Variants in KCND2 observed in about 807,000 individuals in gnomAD.
KCND2 encodes the protein A-type voltage-gated potassium channel KCND2.
KCND2 carries 16 observed loss-of-function variants against 54.4 expected under a neutral mutation model. The ratio of observed to expected loss-of-function variants is 0.29; its 90% CI spans 0.20 to 0.45. KCND2 has a LOEUF of 0.45. Ranked by LOEUF, KCND2 falls within the 20% of genes least tolerant of loss-of-function variation. The pLI is 1.00. For missense variants in KCND2, 486 were observed against 824.2 expected, an observed-to-expected ratio of 0.59 and a Z score of 5.02; for synonymous variants, 317 against 310.7, an observed-to-expected ratio of 1.02 and a Z score of -0.21.
chr7:120,672,574 C>A (rs917759083), intron 1 of KCND2, among the ~76,000 whole-genome samples: 2 of 152,042 alleles, frequency 1.3e-5, no homozygotes, highest in Non-Finnish European at 2.9e-5. Flanking sequence ...TCCTTCTCAG[C>A]CAAAAGTTCC....
chr7:120,321,990 C>A (rs1799898634), intron 1 of KCND2, among the ~76,000 whole-genome samples: 1 of 151,696 alleles, frequency 6.6e-6, no homozygotes. Flanking sequence ...AGGAAATTCC[C>A]ACAGAAATAT....
chr7:120,403,315 T>G lies in KCND2; in HGVS notation c.1115+127568T>G, dbSNP rs530819413. Among the ~76,000 whole-genome samples, 18 of 95,426 alleles carry G rather than the reference T, an allele frequency of 1.9e-4. No individual in the cohort carries two copies. In the South Asian group the frequency reaches 2.0e-3, roughly 11 times the overall value. 62.6% of individuals were successfully genotyped at this position (95,426 alleles called of 152,430 possible). ...TAGTCAAATCACCCTATTATTCATG[T>G]TTTTTTTTTTTTTCTTTTATAGACA... On this transcript the variant is annotated intron_variant, in intron 1 of 5. Transcript: ENST00000331113.
intron 1 of KCND2, among the ~76,000 whole-genome samples, chr7:120,649,082 T>C (rs1791688783): frequency 6.6e-6 from 1 of 152,186 alleles, no homozygotes; most frequent in African/African-American, 2.4e-5. Context: ...AATCCTAACC[T>C]CTCATTTAAT....
intron 1 of KCND2, among the ~76,000 whole-genome samples, chr7:120,579,011 AT>A (rs1792477668): frequency 6.6e-6 from 1 of 152,054 alleles, no homozygotes; most frequent in Admixed American, 6.6e-5. Flanking sequence ...ATAAAATAAA[AT>A]TTTTTCCTAG....
chr7:120,605,740 T>A (rs1050597651), intron 1 of KCND2, among the ~76,000 whole-genome samples: 4 of 152,236 alleles, frequency 2.6e-5, no homozygotes, highest in Non-Finnish European at 4.4e-5. Context: ...TTATTATCTA[T>A]CTTTTTGATT....
At position 120,273,527 on chromosome 7, in the gene KCND2, C is replaced by T. The variant is rs1240031328; in HGVS notation, c.-1106C>T. On this transcript the variant is annotated 5_prime_UTR_variant, in exon 1 of 6. Transcript: ENST00000331113. ...CCCTCCGTTCTCGCCTCCCCCGCACCTTTTGAACTTGTTGCTGCTGCTCTG... is the reference window on the plus strand; with the variant it reads ...CCCTCCGTTCTCGCCTCCCCCGCACTTTTTGAACTTGTTGCTGCTGCTCTG... 2 of 153,220 alleles carry T rather than the reference C, an allele frequency of 1.3e-5. No homozygotes were observed. The highest frequency in any genetic ancestry group is 4.8e-5 in the African/African-American group (2 of 41,450). The allele number at this position is 153,220 out of a possible 1,614,324, so 9.5% of individuals were successfully genotyped here.
At chr7:120,442,192 C>T (rs1450737230) in intron 1 of KCND2, among the ~76,000 whole-genome samples, 3 of 152,084 alleles carry the variant, frequency 2.0e-5, no homozygotes, top group Admixed American at 2.0e-4. Context: ...TATCCATTAA[C>T]AATTAAAGAA....
intron 1 of KCND2, among the ~76,000 whole-genome samples, chr7:120,418,913 G>A (rs1007897953): frequency 3.3e-5 from 5 of 152,160 alleles, no homozygotes; most frequent in East Asian, 1.9e-4. Context: ...TCAAGCAGGC[G>A]AGAAATTCAG....
intron 1 of KCND2, among the ~76,000 whole-genome samples, chr7:120,284,304 C>T (rs2116261905): frequency 6.6e-6 from 1 of 152,148 alleles, no homozygotes; most frequent in African/African-American, 2.4e-5. Flanking sequence ...CGCACACACA[C>T]ACACGCGCGC....
intron 1 of KCND2, among the ~76,000 whole-genome samples, chr7:120,731,033 A>G (rs932009340): frequency 6.6e-6 from 1 of 152,176 alleles, no homozygotes. Flanking sequence ...TGGAGCTCAG[A>G]CACAGCTGGG....
intron 1 of KCND2, among the ~76,000 whole-genome samples, chr7:120,504,718 A>G (rs560949854): frequency 1.3e-5 from 2 of 151,882 alleles, no homozygotes; most frequent in South Asian, 4.1e-4. Context: ...TCTATAAATT[A>G]TGGAAAGCTC....
rs942062961 is a variant in KCND2 at position 120,372,472 on chromosome 7, A to ACC, written c.1115+96726_1115+96727insCC. ...TTAAAAATCTGAATTCATTTTATTT[A>ACC]CTCTGCAAATAATTTACTTCAATAC... On this transcript the variant is annotated intron_variant, in intron 1 of 5. Coordinates refer to ENST00000331113, the MANE Select transcript of KCND2 (RefSeq NM_012281.3). Among the ~76,000 whole-genome samples, 4 of 7,240 alleles carry ACC rather than the reference A, an allele frequency of 5.5e-4. No homozygotes were observed. The East Asian group carries it at 0.21, about 388-fold the overall frequency. 4.7% of individuals were successfully genotyped at this position (7,240 alleles called of 152,430 possible).
chr7:120,716,849 C>T (rs879028361), intron 1 of KCND2, among the ~76,000 whole-genome samples: 1 of 151,972 alleles, frequency 6.6e-6, no homozygotes, highest in Non-Finnish European at 1.5e-5. Flanking sequence ...TACAGCAGTC[C>T]CCCATTATCT....
In KCND2 at chr7:120,430,681, C is replaced by T. The variant is rs563434825; in HGVS notation, c.1115+154934C>T. Among the ~76,000 whole-genome samples the T allele has an allele frequency of 2.6e-5, 4 of 152,268 alleles. No homozygotes were observed. In the East Asian group the frequency reaches 7.7e-4, roughly 29 times the overall value. On this transcript the variant is annotated intron_variant, in intron 1 of 5. Transcript: ENST00000331113. The stretch of plus-strand genomic sequence containing the variant: ...TACCTGATAAATTATTGAAATTCAA[C>T]TTCCTTTCCCAACTACATATTTTCA...
At chr7:120,721,631 C>T (rs1032524067) in intron 1 of KCND2, among the ~76,000 whole-genome samples, 1 of 152,178 alleles carries the variant, frequency 6.6e-6, no homozygotes, top group African/African-American at 2.4e-5. Flanking sequence ...CTAATCTCAT[C>T]TCCTTTTATA....
intron 1 of KCND2, among the ~76,000 whole-genome samples, chr7:120,410,031 C>T (rs1038442985): frequency 6.6e-6 from 1 of 151,554 alleles, no homozygotes; most frequent in Non-Finnish European, 1.5e-5. Flanking sequence ...TAAGTTTATA[C>T]TTCATTTATA....
intron 1 of KCND2, among the ~76,000 whole-genome samples, chr7:120,351,402 ACACACACACACT>A (rs1343695953): frequency 1.2e-4 from 17 of 138,788 alleles, no homozygotes; most frequent in African/African-American, 4.5e-4. Flanking sequence ...ACACACACAC[ACACACACACACT>A]CTCTCTCTCT....
chr7:120,491,108 C>T (rs1266984667), intron 1 of KCND2, among the ~76,000 whole-genome samples: 1 of 152,060 alleles, frequency 6.6e-6, no homozygotes, highest in African/African-American at 2.4e-5. Flanking sequence ...GTACCCAAAT[C>T]CTCAAAATTA....
chr7:120,487,079 A>G (rs1802705506), intron 1 of KCND2, among the ~76,000 whole-genome samples: 1 of 152,174 alleles, frequency 6.6e-6, no homozygotes, highest in Non-Finnish European at 1.5e-5. Context: ...GCCAATGTGA[A>G]AAACACAGTG....
Sources: gnomAD v4.1 joint callset for allele counts (sites outside exome capture counted in the v4.1 genomes callset) on GRCh38, gnomAD v4.1.1 for gene constraint, MANE v1.5 for transcripts, NCBI Gene and HGNC (gene_info 2026-07-23, HGNC 2026-07-21) for gene names.